Variants in LYST observed in about 807,000 individuals in gnomAD.
The protein encoded by LYST is lysosomal-trafficking regulator.
LYST carries 192 observed loss-of-function variants against 413.6 expected under a neutral mutation model. The observed-to-expected ratio is 0.46, with a 90% confidence interval of 0.41 to 0.52. The LOEUF (loss-of-function observed/expected upper bound fraction) is 0.52, where lower values mean the gene tolerates loss of function less well. LYST is among the 20% of genes least tolerant of loss of function. The pLI is 0.00. For missense variants in LYST, 3,815 were observed against 4,499.9 expected (o/e 0.85, Z 4.35); for synonymous variants, 1,525 against 1,567.3 (o/e 0.97, Z 0.64).
Position 235,762,735 on chromosome 1 carries a change from C to T in LYST, c.6238G>A (p.Ala2080Thr), listed in dbSNP as rs776938745. 6.2e-7 allele frequency: 1 copy of T among 1,613,360 alleles called. No individual in the cohort carries two copies. The highest frequency in any genetic ancestry group is 8.5e-7 in the Non-Finnish European group (1 of 1,179,474). Reference protein sequence around the residue: ...FMVISPSGFTASPYEGENSSN... With the variant: ...FMVISPSGFTTSPYEGENSSN... ...CTATTTTTACCTTCATATGGTGAAG[C>T]AGTAAAACCAGATGGGCTTATTACC... The change falls in exon 22 of 53, where the codon GCT becomes ACT. Residue 2080 changes from alanine to threonine, a missense_variant. By Grantham distance (58) the Ala-to-Thr change is moderately conservative (BLOSUM62 0). Coordinates refer to ENST00000389793, the MANE Select transcript of LYST (RefSeq NM_000081.4).
chr1:235,823,650 C>T (rs79915855), intron 3 of LYST, among the ~76,000 whole-genome samples: 31 of 152,370 alleles, frequency 2.0e-4, no homozygotes, highest in South Asian at 4.1e-4. Flanking sequence ...GTTCAGCCTT[C>T]GCTGTAACTT....
Position 235,809,394 on chromosome 1 carries a change from C to T in LYST, c.1424G>A (p.Ser475Asn). 1.9e-6 allele frequency: 3 copies of T among 1,614,014 alleles called. No homozygotes were observed. The highest frequency in any genetic ancestry group is 2.5e-6 in the Non-Finnish European group (3 of 1,179,976). The change falls in exon 5 of 53, where the codon AGT becomes AAT. Residue 475 changes from serine (S) to asparagine (N), a missense_variant. By Grantham distance (46) the Ser-to-Asn change is conservative (BLOSUM62 1). Around this residue, in one of 4 missense-constraint regions of LYST, gnomAD observed 1,648 missense variants for 1,810.3 expected, o/e 0.91. Transcript: ENST00000389793. This position sits in a 1 kb window ranked among gnomAD's most constrained non-coding sequence, Gnocchi z 4.0. ...ASEHLKALINSVMKIMSTVKK... is the reference protein window; with the variant it reads ...ASEHLKALINNVMKIMSTVKK... ...GACAGTGCTCATTATTTTCATCACA[C>T]TATTTATTAGGGCTTTCAAATGCTC...
chr1:235,877,374 T>C (rs537098008), intron 1 of LYST, among the ~76,000 whole-genome samples: 2 of 152,152 alleles, frequency 1.3e-5, no homozygotes, highest in Non-Finnish European at 2.9e-5. Context: ...GAACACAGAA[T>C]TCATTTTGTA....
At chr1:235,735,702 G>T (rs1430828946) in intron 31 of LYST, 2 of 152,100 alleles carry the variant, frequency 1.3e-5, no homozygotes, top group South Asian at 2.1e-4. Flanking sequence ...TCAGCAAATG[G>T]ATCTGGAAAT....
intron 31 of LYST, chr1:235,738,252 G>C: frequency 1.2e-6 from 2 of 1,611,090 alleles, no homozygotes; most frequent in Middle Eastern, 2.3e-4. Context: ...AGACTATACT[G>C]TAACTGTAAA....
intron 12 of LYST, among the ~76,000 whole-genome samples, chr1:235,791,385 G>A (rs977059428): frequency 3.3e-5 from 5 of 152,106 alleles, no homozygotes; most frequent in Admixed American, 6.6e-5. Flanking sequence ...TATAACATCA[G>A]GAGCCACCCT....
intron 42 of LYST, among the ~76,000 whole-genome samples, chr1:235,714,940 T>C (rs77245800): frequency 6.6e-6 from 1 of 152,264 alleles, no homozygotes; most frequent in African/African-American, 2.4e-5. Context: ...TTGTGAATTA[T>C]ATCTTAATTT....
At chr1:235,737,525 A>T (rs1664924222) in intron 31 of LYST, 1 of 152,158 alleles carries the variant, frequency 6.6e-6, no homozygotes, top group African/African-American at 2.4e-5. Context: ...TCTTCTTGGG[A>T]GGGAAGTTAG....
rs59436872 is a variant in LYST, at chr1:235,753,210, C to T, written c.7294G>A (p.Gly2432Arg). 6.2e-7 allele frequency: 1 copy of T among 1,610,790 alleles called. No homozygotes were observed. The highest frequency in any genetic ancestry group is 8.5e-7 in the Non-Finnish European group (1 of 1,177,408). The change falls in exon 26 of 53, where the codon GGA becomes AGA. Residue 2432 changes from glycine (G) to arginine (R), a missense_variant. By Grantham distance (125) the Gly-to-Arg change is moderately radical (BLOSUM62 -2). Around this residue, in one of 4 missense-constraint regions of LYST, gnomAD observed 771 missense variants for 837.1 expected, o/e 0.92. Transcript: ENST00000389793. ...TCATATAGAGAGGTCTCTATTAGTCCCAGAATAGGAATGACAGACCACTTC... is the reference window on the plus strand; with the variant it reads ...TCATATAGAGAGGTCTCTATTAGTCTCAGAATAGGAATGACAGACCACTTC... ...FQKWSVIPILGLIETSLYDNI... is the reference protein window; with the variant it reads ...FQKWSVIPILRLIETSLYDNI...
chr1:235,712,751 G>T (rs1572050912), intron 42 of LYST: 1 of 985,136 alleles, frequency 1.0e-6, no homozygotes, highest in Non-Finnish European at 1.2e-6. Flanking sequence ...CTGAGCTAAA[G>T]AATTGAGTAA....
chr1:235,822,808 T>C (rs1339975826), intron 3 of LYST, among the ~76,000 whole-genome samples: 2 of 152,198 alleles, frequency 1.3e-5, no homozygotes, highest in African/African-American at 2.4e-5. Context: ...ATGTGACTTC[T>C]TGCAGCTTCT....
chr1:235,872,292 T>A (rs952272413), intron 1 of LYST, among the ~76,000 whole-genome samples: 15 of 73,064 alleles, frequency 2.1e-4, no homozygotes, highest in Non-Finnish European at 3.6e-4. Flanking sequence ...TGACATTCTG[T>A]CTCAAAAAAA....
chr1:235,734,675 TA>T lies in LYST; in HGVS notation c.8359-17del. On this transcript the variant is annotated splice_polypyrimidine_tract_variant and intron_variant, in intron 31 of 52. Coordinates refer to ENST00000389793, the MANE Select transcript of LYST (RefSeq NM_000081.4). ...TGGCTCCATGCTTTAAAAAAAGTAA[TA>T]ATTTTTTAGTCATTTAGAATTTTAA... 6.4e-7 allele frequency: 1 copy of T among 1,564,156 alleles called. No individual in the cohort carries two copies. Among genetic ancestry groups the T allele is most frequent in the Non-Finnish European group, 8.8e-7 (1 of 1,140,144 alleles).
At chr1:235,836,056 A>C (rs1366483832) in intron 1 of LYST, among the ~76,000 whole-genome samples, 1 of 152,252 alleles carries the variant, frequency 6.6e-6, no homozygotes, top group East Asian at 1.9e-4. Flanking sequence ...GCCTATAATC[A>C]TATAAATGAC....
intron 50 of LYST, among the ~76,000 whole-genome samples, chr1:235,667,535 T>C (rs2103015460): frequency 6.6e-6 from 1 of 152,328 alleles, no homozygotes; most frequent in South Asian, 2.1e-4. Context: ...AGGCACATAA[T>C]ATAGTTGTCC....
intron 1 of LYST, among the ~76,000 whole-genome samples, chr1:235,852,672 T>C (rs548345950): frequency 2.5e-4 from 38 of 152,304 alleles, no homozygotes; most frequent in African/African-American, 8.7e-4. Context: ...AGTGACAAGT[T>C]GATTGACAAT....
At chr1:235,730,298 AC>A (rs1340583841) in intron 36 of LYST, among the ~76,000 whole-genome samples, 2 of 152,012 alleles carry the variant, frequency 1.3e-5, no homozygotes, top group African/African-American at 4.8e-5. Context: ...ACGCTATGAT[AC>A]CTATTATTAT....
rs1003187701 is a variant in LYST at position 235,715,350 on chromosome 1, T to G, written c.9635A>C (p.Glu3212Ala). Residue 3212 changes from glutamate to alanine, a missense_variant, in exon 42 of 53, where the codon GAG becomes GCG. Glu to Ala is a moderately radical substitution (Grantham distance 107). This residue lies in a region of LYST where 866 missense variants were observed against 1,156.0 expected (regional missense o/e 0.75). Transcript: ENST00000389793. ...DRYVDTYKYLEEEYRKGARED... is the reference protein window; with the variant it reads ...DRYVDTYKYLAEEYRKGARED... ...TCTGGCTCCTTTGCGGTACTCTTCC[T>G]CCAAGTACTGAAAGAAACGGTGAAT... The G allele has an allele frequency of 3.1e-6, 5 of 1,613,694 alleles. No individual in the cohort carries two copies. The highest frequency in any genetic ancestry group is 3.4e-6 in the Non-Finnish European group (4 of 1,179,842).
At chr1:235,881,331 C>T (rs780003758) in intron 1 of LYST, among the ~76,000 whole-genome samples, 12 of 152,194 alleles carry the variant, frequency 7.9e-5, no homozygotes, top group Non-Finnish European at 1.6e-4. Context: ...CTTTGCTGTG[C>T]TTTAATTACC....
Sources: gnomAD v4.1 joint callset for allele counts (sites outside exome capture counted in the v4.1 genomes callset) on GRCh38, gnomAD v4.1.1 for gene constraint, gnomAD v4.1.1 regional missense constraint, Gnocchi (gnomAD v3.1) non-coding constraint, MANE v1.5 for transcripts, NCBI Gene and HGNC (gene_info 2026-07-23, HGNC 2026-07-21) for gene names.